The following DPP10 variants were observed in gnomAD, a reference collection of about 807,000 sequenced individuals.
DPP10 encodes the protein dipeptidyl peptidase like 10, also known as inactive dipeptidyl peptidase 10.
DPP10 carries 33 observed loss-of-function variants against 120.9 expected under a neutral mutation model. That is an observed-to-expected ratio of 0.27 (90% CI 0.21 to 0.37). The LOEUF (loss-of-function observed/expected upper bound fraction) is 0.37. Among genes scored for constraint, DPP10 ranks in the 10% least tolerant of loss-of-function variants. DPP10 has a pLI of 1.00. For missense variants in DPP10, 816 were observed against 942.8 expected, an observed-to-expected ratio of 0.87 and a Z score of 1.76; for synonymous variants, 337 against 326.1, an observed-to-expected ratio of 1.03 and a Z score of -0.36.
At chr2:114,808,277 A>G (rs978915186) in intron 1 of DPP10, among the ~76,000 whole-genome samples, 1 of 152,180 alleles carries the variant, frequency 6.6e-6, no homozygotes, top group African/African-American at 2.4e-5. Context: ...TCTGTTCTTA[A>G]TAGATATTTG....
chr2:114,964,201 A>G (rs1012305926), intron 1 of DPP10, among the ~76,000 whole-genome samples: 2 of 152,234 alleles, frequency 1.3e-5, no homozygotes, highest in African/African-American at 2.4e-5. Flanking sequence ...ATTAAAATGT[A>G]TTTACAAATG....
chr2:115,781,773 G>C (rs1682787981), intron 16 of DPP10, among the ~76,000 whole-genome samples: 1 of 151,924 alleles, frequency 6.6e-6, no homozygotes, highest in Non-Finnish European at 1.5e-5. Context: ...AAAAAAATTA[G>C]TTTTAGATGG....
chr2:115,739,480 T>C (rs907089310), intron 8 of DPP10, among the ~76,000 whole-genome samples: 4 of 152,098 alleles, frequency 2.6e-5, no homozygotes, highest in African/African-American at 4.8e-5. Flanking sequence ...CAGTAGTGCT[T>C]TCATCTGTTC....
At chr2:114,898,727 G>A (rs1574445391) in intron 1 of DPP10, among the ~76,000 whole-genome samples, 2 of 152,202 alleles carry the variant, frequency 1.3e-5, no homozygotes, top group Admixed American at 1.3e-4. Context: ...CTTTTCAATA[G>A]CTGATTTCAC....
intron 1 of DPP10, among the ~76,000 whole-genome samples, chr2:114,948,029 T>G (rs1697496671): frequency 6.6e-6 from 1 of 152,080 alleles, no homozygotes; most frequent in Non-Finnish European, 1.5e-5. Context: ...TATTCTTCTC[T>G]TTATATATTT....
intron 1 of DPP10, among the ~76,000 whole-genome samples, chr2:114,678,153 T>C (rs193218657): frequency 1.3e-5 from 2 of 152,232 alleles, no homozygotes; most frequent in East Asian, 3.9e-4. Flanking sequence ...AATATCTTTT[T>C]CTATTCCAAG....
intron 5 of DPP10, among the ~76,000 whole-genome samples, chr2:115,555,346 C>T (rs1450624140): frequency 2.0e-5 from 3 of 151,954 alleles, no homozygotes; most frequent in African/African-American, 7.2e-5. Flanking sequence ...TGCATTGGAA[C>T]CACACAGAAA....
At chr2:114,766,252 C>T (rs758349590) in intron 1 of DPP10, among the ~76,000 whole-genome samples, 1 of 151,976 alleles carries the variant, frequency 6.6e-6, no homozygotes, top group Non-Finnish European at 1.5e-5. Context: ...TTACTGCACT[C>T]CCATTTCATC....
chr2:115,110,915 T>C (rs2049182848), intron 1 of DPP10, among the ~76,000 whole-genome samples: 1 of 152,172 alleles, frequency 6.6e-6, no homozygotes, highest in African/African-American at 2.4e-5. Context: ...ATTTGTAAAG[T>C]TTACAAATTT....
intron 1 of DPP10, among the ~76,000 whole-genome samples, chr2:115,053,201 G>T (rs559898679): frequency 5.5e-4 from 84 of 152,106 alleles, no homozygotes; most frequent in Non-Finnish European, 1.0e-3. Context: ...GTAGCCAAAA[G>T]GTGGAAATAA....
chr2:115,177,726 G>A (rs966372904), intron 1 of DPP10, among the ~76,000 whole-genome samples: 3 of 151,814 alleles, frequency 2.0e-5, no homozygotes, highest in African/African-American at 7.3e-5. Context: ...TTATTTTGAA[G>A]TGTATAACAT....
At chr2:115,184,013 T>C (rs1188221859) in intron 1 of DPP10, among the ~76,000 whole-genome samples, 1 of 152,126 alleles carries the variant, frequency 6.6e-6, no homozygotes, top group Non-Finnish European at 1.5e-5. Context: ...AGTGTTTTGT[T>C]TGCAACATTA....
chr2:114,455,468 C>G (rs1436306336), intron 1 of DPP10, among the ~76,000 whole-genome samples: 5 of 151,572 alleles, frequency 3.3e-5, no homozygotes, highest in African/African-American at 1.2e-4. Flanking sequence ...TCGCCTGAAC[C>G]TGGGATGCGG....
At chr2:115,227,775 C>G (rs983353315) in intron 1 of DPP10, among the ~76,000 whole-genome samples, 1 of 151,988 alleles carries the variant, frequency 6.6e-6, no homozygotes, top group African/African-American at 2.4e-5. Context: ...AGAATAGTAT[C>G]CCATTATATG....
intron 1 of DPP10, among the ~76,000 whole-genome samples, chr2:114,813,079 C>T (rs1015432267): frequency 2.6e-5 from 4 of 152,154 alleles, no homozygotes; most frequent in African/African-American, 4.8e-5. Flanking sequence ...TCCTCATCTT[C>T]GTTTCCCTAC....
chr2:114,656,275 G>A (rs1179137746), intron 1 of DPP10, among the ~76,000 whole-genome samples: 1 of 152,046 alleles, frequency 6.6e-6, no homozygotes, highest in Admixed American at 6.6e-5. Context: ...GGATGTATCA[G>A]TTATTAGAAT....
rs570844809 is a variant in DPP10 at position 114,460,750 on chromosome 2, A to G, written c.60+17912A>G. Among the ~76,000 whole-genome samples the G allele has an allele frequency of 1.2e-3, 179 of 152,334 alleles. 2 individuals are homozygous for G. Among genetic ancestry groups the G allele is most frequent in the African/African-American group, 2.3e-3 (96 of 41,580 alleles). Reference sequence around the variant, plus strand: ...TAAAGAGGCATATTTTTCAATAGACATGAGCCTTTCACTAATTCAGAATGC... The same window carrying G: ...TAAAGAGGCATATTTTTCAATAGACGTGAGCCTTTCACTAATTCAGAATGC... On this transcript the variant is annotated intron_variant, in intron 1 of 25. Coordinates refer to ENST00000410059, the MANE Select transcript of DPP10 (RefSeq NM_020868.6).
intron 1 of DPP10, chr2:114,461,827 T>C (rs748390420): frequency 2.8e-5 from 28 of 985,224 alleles, no homozygotes; most frequent in Non-Finnish European, 3.3e-5. Flanking sequence ...CCAAATATGA[T>C]AGAAGATATC....
At chr2:115,828,146 T>G (rs1688566820) in intron 21 of DPP10, among the ~76,000 whole-genome samples, 1 of 152,112 alleles carries the variant, frequency 6.6e-6, no homozygotes, top group African/African-American at 2.4e-5. Flanking sequence ...TATTATTTTC[T>G]GGGCAAAAAG....
Sources: gnomAD v4.1 joint callset for allele counts (sites outside exome capture counted in the v4.1 genomes callset) on GRCh38, gnomAD v4.1.1 for gene constraint, MANE v1.5 for transcripts, NCBI Gene and HGNC (gene_info 2026-07-23, HGNC 2026-07-21) for gene names.